TUT1: variants seen among roughly 807,000 people sequenced by gnomAD.
The protein encoded by TUT1 is speckle targeted PIP5K1A-regulated poly(A) polymerase.
A neutral mutation model predicts 48.8 loss-of-function variants in TUT1; 26 were observed. That is an observed-to-expected ratio of 0.53 (90% CI 0.39 to 0.74). The LOEUF is 0.74. Ranked by LOEUF, TUT1 falls within the 30% of genes least tolerant of loss-of-function variation. The pLI, the probability that TUT1 is intolerant of heterozygous loss-of-function variation, is 0.00. For synonymous variants in TUT1, 470 were observed against 460.8 expected (o/e 1.02, Z -0.26); for missense variants, 1,065 against 1,114.8 (o/e 0.96, Z 0.64).
Position 62,576,140 on chromosome 11 carries a change from G to T in TUT1, c.1579C>A (p.Pro527Thr), listed in dbSNP as rs1383286285. 1 of 1,613,716 alleles carries T rather than the reference G, an allele frequency of 6.2e-7. No homozygotes were observed. The highest frequency in any genetic ancestry group is 8.5e-7 in the Non-Finnish European group (1 of 1,179,928). Residue 527 changes from proline (P) to threonine (T), a missense_variant, in exon 9 of 9, where the codon CCT becomes ACT. Physicochemically the swap from Pro to Thr is conservative, Grantham distance 38. Transcript: ENST00000476907. Reference protein sequence around the residue: ...GQALPVAGGLPSNLWEGLRLG... With the variant: ...GQALPVAGGLTSNLWEGLRLG... Reference sequence around the variant, plus strand: ...CGCAGACCCTCCCAGAGATTAGAAGGCAGGCCCCCTGCCACAGGCAGTGCC... The same window carrying T: ...CGCAGACCCTCCCAGAGATTAGAAGTCAGGCCCCCTGCCACAGGCAGTGCC...
At chr11:62,585,101 T>C (rs1229219764) in intron 2 of TUT1, among the ~76,000 whole-genome samples, 4 of 152,072 alleles carry the variant, frequency 2.6e-5, no homozygotes, top group East Asian at 1.9e-4. Flanking sequence ...GGATTACAGG[T>C]GTGAGCCACC....
At position 62,578,728 on chromosome 11, in the gene TUT1, C is replaced by G. The variant is rs1183841227; in HGVS notation, c.993G>C (p.Lys331Asn). The G allele has an allele frequency of 6.2e-7, 1 of 1,614,172 alleles. No individual in the cohort carries two copies. The highest frequency in any genetic ancestry group is 1.1e-5 in the South Asian group (1 of 91,084). ...TTGCTGCCCCCTCTGCTTTCTCCTC[C>G]TTTGGGGTCTCTGCTAGTTCCGAGG... ...GKASELAETP[K>N]EEKAEGAAML... The change falls in exon 5 of 9, where the codon AAG becomes AAC. Residue 331 changes from lysine to asparagine, a missense_variant. By Grantham distance (94) the Lys-to-Asn change is moderately conservative. Coordinates refer to ENST00000476907, the MANE Select transcript of TUT1 (RefSeq NM_022830.3).
Position 62,575,782 on chromosome 11 carries a change from C to T in TUT1, c.1937G>A (p.Gly646Glu). 1.2e-6 allele frequency: 2 copies of T among 1,614,232 alleles called. No homozygotes were observed. Among genetic ancestry groups the T allele is most frequent in the African/African-American group, 1.3e-5 (1 of 75,066 alleles). ...EQATKRTRSE[G>E]GGTGESSQGG... ...CTGAGAGGACTCCCCAGTTCCACCT[C>T]CTTCTGACCGCGTTCTCTTGGTTGC... Residue 646 changes from glycine (G) to glutamate (E), a missense_variant, in exon 9 of 9, where the codon GGA (glycine) becomes GAA (glutamate). Coordinates refer to ENST00000476907, the MANE Select transcript of TUT1 (RefSeq NM_022830.3).
chr11:62,587,432 C>T (rs1426761343), intron 2 of TUT1, among the ~76,000 whole-genome samples: 2 of 152,198 alleles, frequency 1.3e-5, no homozygotes, highest in African/African-American at 4.8e-5. Context: ...CCACCCGCCC[C>T]AGCCTACCAA....
chr11:62,590,811 CA>C (rs34251910), intron 1 of TUT1, among the ~76,000 whole-genome samples: 42,499 of 139,782 alleles, frequency 0.3, 8,940 homozygotes, highest in African/African-American at 0.62. Flanking sequence ...GACCTTGTCT[CA>C]AAAAAAAAAA....
At chr11:62,589,410 T>A (rs1283273132) in intron 1 of TUT1, among the ~76,000 whole-genome samples, 189 bp from the exon 2 acceptor site, 2 of 152,038 alleles carry the variant, frequency 1.3e-5, no homozygotes, top group Non-Finnish European at 2.9e-5. Context: ...CTTTTTTTTT[T>A]AATTTATTTT....
At position 62,591,466 on chromosome 11, in the gene TUT1, T is replaced by C; in HGVS notation, c.20A>G (p.Asp7Gly). The change falls in exon 1 of 9, where the codon GAT (aspartate) becomes GGT (glycine). Residue 7 changes from aspartate (D) to glycine (G), a missense_variant. Physicochemically the swap from Asp to Gly is moderately conservative, Grantham distance 94. Coordinates refer to ENST00000476907, the MANE Select transcript of TUT1 (RefSeq NM_022830.3). ...CCCCCCACGCGGCAGCGATTCGACATCCGAATCCACCGCCGCCATAGCGAC... is the reference window on the plus strand; with the variant it reads ...CCCCCCACGCGGCAGCGATTCGACACCCGAATCCACCGCCGCCATAGCGAC... MAAVDS[D>G]VESLPRGGFR... 1 of 1,611,436 alleles carries C rather than the reference T, an allele frequency of 6.2e-7. No homozygotes were observed. The highest frequency in any genetic ancestry group is 8.5e-7 in the Non-Finnish European group (1 of 1,178,812).
intron 2 of TUT1, among the ~76,000 whole-genome samples, chr11:62,588,664 C>G (rs1204256096): frequency 1.3e-5 from 2 of 152,170 alleles, no homozygotes; most frequent in African/African-American, 4.8e-5. Context: ...TGGTTTCTCT[C>G]TCTTGTCTCT....
At chr11:62,577,374 A>AGT in intron 5 of TUT1, 83 bp from the exon 6 acceptor site, 1 of 1,064,762 alleles carries the variant, frequency 9.4e-7, no homozygotes, top group Non-Finnish European at 1.4e-6. Context: ...GACTTGCATA[A>AGT]CTGGAGCCAG....
intron 2 of TUT1, among the ~76,000 whole-genome samples, chr11:62,583,381 G>A (rs112034671): frequency 0.021 from 3,229 of 152,180 alleles, 120 homozygotes; most frequent in African/African-American, 0.073. Flanking sequence ...AGGCCTAGGC[G>A]GGTGGATCAC....
At position 62,589,557 on chromosome 11, in the gene TUT1, C is replaced by A. The variant is rs538794855; in HGVS notation, c.83-336G>T. Among the ~76,000 whole-genome samples, 11 of 152,268 alleles carry A rather than the reference C, an allele frequency of 7.2e-5. No homozygotes were observed. In the South Asian group the frequency reaches 2.3e-3, roughly 32 times the overall value. On this transcript the variant is annotated intron_variant, in intron 1 of 8. Transcript: ENST00000476907. ...TAGGTGGGACTACAGGCGTGTGTCA[C>A]CACACCCGGCTAATTTTTGTATTTT... is the stretch of plus-strand genomic sequence containing the variant.
intron 4 of TUT1, among the ~76,000 whole-genome samples, chr11:62,580,454 T>C (rs1941806411): frequency 6.7e-6 from 1 of 150,252 alleles, no homozygotes; most frequent in South Asian, 2.1e-4. Flanking sequence ...AGTTAGACGG[T>C]CTCTCAAAAA....
chr11:62,589,485 C>G (rs567920665), intron 1 of TUT1, among the ~76,000 whole-genome samples: 1 of 152,062 alleles, frequency 6.6e-6, no homozygotes, highest in Non-Finnish European at 1.5e-5. Context: ...CTCACTGCAA[C>G]GTCTGCCTCC....
rs1381115126 is a variant in TUT1 at position 62,575,778 on chromosome 11, ACCT to A, written c.1938_1940del (p.Gly648del). On this transcript the variant is annotated inframe_deletion, in exon 9 of 9. Coordinates refer to ENST00000476907, the MANE Select transcript of TUT1 (RefSeq NM_022830.3). ...CTCCCTGAGAGGACTCCCCAGTTCC[ACCT>A]CCTTCTGACCGCGTTCTCTTGGTTG... The A allele has an allele frequency of 1.2e-6, 2 of 1,613,236 alleles. No individual in the cohort carries two copies. The highest frequency in any genetic ancestry group is 3.3e-5 in the Admixed American group (2 of 59,928).
chr11:62,585,481 C>G (rs1941896444), intron 2 of TUT1, among the ~76,000 whole-genome samples: 1 of 152,140 alleles, frequency 6.6e-6, no homozygotes, highest in South Asian at 2.1e-4. Context: ...GTCTGTGCTC[C>G]TATTTTTCTC....
At position 62,576,723 on chromosome 11, in the gene TUT1, C is replaced by T. The variant is rs1431644491; in HGVS notation, c.1408G>A (p.Gly470Ser). The T allele has an allele frequency of 3.7e-6, 6 of 1,614,072 alleles. No homozygotes were observed. The African/African-American group carries it at 6.7e-5, about 18-fold the overall frequency. ...TCCCTGGGGAAACTGCAGTCCCAGC[C>T]ATCGACTTCCACCTGTTCCCCCTCT... ...AGEGEQVEVD[G>S]WDCSFPRDAS... The change falls in exon 8 of 9, where the codon GGC becomes AGC. Residue 470 changes from glycine (G) to serine (S), a missense_variant. Gly to Ser is a moderately conservative substitution (Grantham distance 56, BLOSUM62 0). Transcript: ENST00000476907.
At chr11:62,577,568 G>A (rs1325072515) in intron 5 of TUT1, among the ~76,000 whole-genome samples, 2 of 138,436 alleles carry the variant, frequency 1.4e-5, no homozygotes, top group Non-Finnish European at 3.1e-5. Context: ...CTGGGTGACA[G>A]AGCAACATCC....
Position 62,577,197 on chromosome 11 carries a change from C to T in TUT1, c.1255G>A (p.Gly419Ser). ...LVYTLRCWAQGRGLSGSGPLL... is the reference protein window; with the variant it reads ...LVYTLRCWAQSRGLSGSGPLL... ...CCATTCTCACCTGACAGCCCCCGAC[C>T]CTGAGCCCAGCAGCGGAGGGTGTAC... The change falls in exon 6 of 9, where the codon GGT (glycine) becomes AGT (serine). Residue 419 changes from glycine (G) to serine (S), a missense_variant. Coordinates refer to ENST00000476907, the MANE Select transcript of TUT1 (RefSeq NM_022830.3). The T allele has an allele frequency of 6.2e-7, 1 of 1,609,734 alleles. No individual in the cohort carries two copies. The highest frequency in any genetic ancestry group is 8.5e-7 in the Non-Finnish European group (1 of 1,178,650).
chr11:62,582,779 A>G (rs542555060), intron 2 of TUT1, among the ~76,000 whole-genome samples: 27 of 152,316 alleles, frequency 1.8e-4, no homozygotes, highest in African/African-American at 6.3e-4. Flanking sequence ...ATTTTTTTAA[A>G]CATTTATTAA....
Sources: allele counts gnomAD v4.1 joint callset (sites outside exome capture counted in the v4.1 genomes callset), GRCh38; gene constraint gnomAD v4.1.1; transcripts MANE v1.5; gene names NCBI Gene and HGNC (gene_info 2026-07-23, HGNC 2026-07-21).